Variants in DNAJB6 observed in about 807,000 individuals in gnomAD.
DNAJB6 encodes the protein DnaJ heat shock protein family (Hsp40) member B6, also known as dnaJ homolog subfamily B member 6.
In DNAJB6, 16 loss-of-function variants were observed where a neutral mutation model predicts 42.7. That is an observed-to-expected ratio of 0.37 (90% confidence interval 0.25 to 0.57). The LOEUF (loss-of-function observed/expected upper bound fraction) is 0.57, where lower values mean the gene tolerates loss of function less well. Among genes scored for constraint, DNAJB6 ranks in the 20% least tolerant of loss-of-function variants. DNAJB6 has a pLI of 0.74. For synonymous variants in DNAJB6, 170 were observed against 163.5 expected, an observed-to-expected ratio of 1.04 and a Z score of -0.30; for missense variants, 347 against 416.8, an observed-to-expected ratio of 0.83 and a Z score of 1.46.
At chr7:157,346,436 A>G (rs920607288) in intron 1 of DNAJB6, among the ~76,000 whole-genome samples, 2 of 151,996 alleles carry the variant, frequency 1.3e-5, no homozygotes, top group African/African-American at 4.8e-5. Flanking sequence ...TGATTAGGCA[A>G]CTTTTTGCTT....
intron 5 of DNAJB6, chr7:157,379,278 T>C (rs931748293): frequency 1.3e-5 from 2 of 152,200 alleles, no homozygotes; most frequent in African/African-American, 4.8e-5. Context: ...ATGTAAAAGC[T>C]CAGTGCCTTG....
chr7:157,347,711 T>C (rs1027690571), intron 1 of DNAJB6, among the ~76,000 whole-genome samples: 13 of 152,262 alleles, frequency 8.5e-5, no homozygotes, highest in Admixed American at 5.9e-4. Flanking sequence ...CAATTATTAG[T>C]AAACTAATTA....
chr7:157,365,182 G>A (rs998975700), intron 3 of DNAJB6, among the ~76,000 whole-genome samples: 7 of 152,206 alleles, frequency 4.6e-5, no homozygotes, highest in African/African-American at 1.7e-4. Flanking sequence ...TTGAACTCCT[G>A]GGCTTAAGTG....
intron 1 of DNAJB6, chr7:157,337,791 A>G (rs560403649): frequency 6.6e-6 from 1 of 152,370 alleles, no homozygotes; most frequent in South Asian, 2.1e-4. Flanking sequence ...AGAAGTTTAC[A>G]TTAACTCTTA....
chr7:157,375,330 C>T (rs1037762440), intron 5 of DNAJB6, among the ~76,000 whole-genome samples: 3 of 152,168 alleles, frequency 2.0e-5, no homozygotes, highest in African/African-American at 7.2e-5. Context: ...GCCCATTCCT[C>T]CTGACGCCAG....
intron 1 of DNAJB6, among the ~76,000 whole-genome samples, chr7:157,354,157 A>G (rs1799154235): frequency 2.0e-5 from 3 of 151,620 alleles, no homozygotes; most frequent in Non-Finnish European, 4.4e-5. Flanking sequence ...GTTTTTTTCG[A>G]CTTTTTTGAG....
At chr7:157,368,628 C>G (rs1799957498) in intron 5 of DNAJB6, 2 of 152,956 alleles carry the variant, frequency 1.3e-5, no homozygotes, top group African/African-American at 4.8e-5. Context: ...CAGTTTGGGT[C>G]AGGCACTTTT....
At chr7:157,367,305 C>A in intron 4 of DNAJB6, 68 bp from the exon 5 acceptor site, 1 of 1,037,996 alleles carries the variant, frequency 9.6e-7, no homozygotes, top group South Asian at 1.3e-5. Flanking sequence ...AATGTTTTGT[C>A]AACAAAGAAT....
intron 5 of DNAJB6, among the ~76,000 whole-genome samples, chr7:157,375,953 G>A (rs897611114): frequency 2.0e-5 from 3 of 152,096 alleles, no homozygotes; most frequent in Non-Finnish European, 4.4e-5. Context: ...TTTTGTTCCA[G>A]CTTTTCTGTG....
intron 3 of DNAJB6, among the ~76,000 whole-genome samples, 182 bp from the exon 4 acceptor site, chr7:157,366,320 A>G (rs1169128764): frequency 6.6e-6 from 1 of 152,210 alleles, no homozygotes; most frequent in Non-Finnish European, 1.5e-5. Flanking sequence ...ATTGTTTTTC[A>G]GGAGAGAGGT....
intron 8 of DNAJB6, among the ~76,000 whole-genome samples, chr7:157,402,685 C>T (rs1210133818): frequency 6.6e-6 from 1 of 152,218 alleles, no homozygotes. Context: ...CCCCAGTCAT[C>T]CCAGGGGCCT....
chr7:157,351,835 C>A (rs971416149), intron 1 of DNAJB6, among the ~76,000 whole-genome samples: 17 of 150,272 alleles, frequency 1.1e-4, no homozygotes, highest in East Asian at 2.0e-4. Flanking sequence ...ACAAAAAAAA[C>A]CACAAAAAAT....
At chr7:157,341,743 A>T (rs1348540420) in intron 1 of DNAJB6, among the ~76,000 whole-genome samples, 1 of 152,082 alleles carries the variant, frequency 6.6e-6, no homozygotes, top group Non-Finnish European at 1.5e-5. Flanking sequence ...GAAAGTATTG[A>T]TTGAATTAGA....
chr7:157,354,474 T>A (rs76395662), intron 1 of DNAJB6, among the ~76,000 whole-genome samples: 19,563 of 151,624 alleles, frequency 0.13, 2,047 homozygotes, highest in African/African-American at 0.29. Flanking sequence ...ATTTTTTTTT[T>A]AAAAAAATTA....
At chr7:157,393,013 A>AG (rs1455539416) in intron 8 of DNAJB6, among the ~76,000 whole-genome samples, 1 of 152,172 alleles carries the variant, frequency 6.6e-6, no homozygotes, top group Non-Finnish European at 1.5e-5. Flanking sequence ...TGTGTCGCCC[A>AG]GGCTGGATGG....
At chr7:157,384,463 G>A (rs1384235180) in intron 6 of DNAJB6, among the ~76,000 whole-genome samples, 3 of 152,098 alleles carry the variant, frequency 2.0e-5, no homozygotes, top group Admixed American at 6.6e-5. Flanking sequence ...GCTTGATACC[G>A]AGGCTGCTCT....
chr7:157,392,091 C>T (rs999554768), intron 8 of DNAJB6, among the ~76,000 whole-genome samples: 1 of 125,952 alleles, frequency 7.9e-6, no homozygotes, highest in Non-Finnish European at 1.7e-5. Context: ...AACAAGGAGA[C>T]CCTGTCTCAA....
intron 8 of DNAJB6, among the ~76,000 whole-genome samples, chr7:157,407,976 G>C (rs911048483): frequency 2.6e-5 from 4 of 152,244 alleles, no homozygotes; most frequent in Admixed American, 2.0e-4. Context: ...TGGCGCCCGC[G>C]GGCATGGCCT....
chr7:157,386,313 G>A, intron 8 of DNAJB6: 12 of 985,070 alleles, frequency 1.2e-5, no homozygotes, highest in Non-Finnish European at 1.4e-5. Flanking sequence ...TTCTTCCTGA[G>A]TGGGATCTGG....
Sources: gnomAD v4.1 joint callset for allele counts (sites outside exome capture counted in the v4.1 genomes callset) on GRCh38, gnomAD v4.1.1 for gene constraint, MANE v1.5 for transcripts, NCBI Gene and HGNC (gene_info 2026-07-23, HGNC 2026-07-21) for gene names.